SHISA9: variants seen among roughly 807,000 people sequenced by gnomAD.
SHISA9 encodes the protein shisa family member 9.
In SHISA9, 13 loss-of-function variants were observed where a neutral mutation model predicts 38.0. The observed-to-expected ratio is 0.34, with a 90% CI of 0.22 to 0.54. The LOEUF (loss-of-function observed/expected upper bound fraction) is 0.54, where lower values mean the gene tolerates loss of function less well. Among genes scored for constraint, SHISA9 ranks in the 20% least tolerant of loss-of-function variants. The probability of loss-of-function intolerance (pLI) is 0.91; values close to 1 mark genes in which losing one functional copy is unlikely to be tolerated. For synonymous variants in SHISA9, 275 were observed against 242.0 expected, an observed-to-expected ratio of 1.14 and a Z score of -1.27; for missense variants, 538 against 575.8, an observed-to-expected ratio of 0.93 and a Z score of 0.67.
the SHISA9 span, among the ~76,000 whole-genome samples, chr16:13,367,738 A>G: frequency 3.4e-5 from 5 of 147,178 alleles, no homozygotes; most frequent in Non-Finnish European, 6.0e-5. Flanking sequence ...ACACACACAC[A>G]CACACACACA....
chr16:12,958,414 G>C (rs544089826), intron 2 of SHISA9, among the ~76,000 whole-genome samples: 1 of 152,172 alleles, frequency 6.6e-6, no homozygotes, highest in Admixed American at 6.5e-5. Context: ...TTGATTCCTG[G>C]CTTGTGGAAA....
the SHISA9 span, among the ~76,000 whole-genome samples, chr16:13,467,486 G>T: frequency 6.6e-6 from 1 of 152,182 alleles, no homozygotes; most frequent in Non-Finnish European, 1.5e-5. Flanking sequence ...TGAGGCTTCA[G>T]GGCTTGGACT....
chr16:13,516,867 G>C, the SHISA9 span, among the ~76,000 whole-genome samples: 2 of 151,888 alleles, frequency 1.3e-5, no homozygotes, highest in Non-Finnish European at 2.9e-5. Flanking sequence ...ATTTCATTTA[G>C]TTCAATAAAT....
chr16:13,294,837 C>A, the SHISA9 span, among the ~76,000 whole-genome samples: 2 of 152,120 alleles, frequency 1.3e-5, no homozygotes, highest in African/African-American at 4.8e-5. Flanking sequence ...AGATTGTGTC[C>A]TATCTAGAGT....
At chr16:13,447,252 G>A in the SHISA9 span, among the ~76,000 whole-genome samples, 126 of 152,296 alleles carry the variant, frequency 8.3e-4, no homozygotes, top group African/African-American at 2.8e-3. Context: ...TCAGGGAGCT[G>A]TTTTGAGTCC....
At chr16:12,975,655 GC>G (rs1208724286) in intron 2 of SHISA9, among the ~76,000 whole-genome samples, 20 of 141,410 alleles carry the variant, frequency 1.4e-4, no homozygotes, top group African/African-American at 4.3e-4. Flanking sequence ...TGGGACGGGG[GC>G]GGGGGGGGTA....
the SHISA9 span, among the ~76,000 whole-genome samples, chr16:13,454,458 A>T: frequency 6.6e-6 from 1 of 152,230 alleles, no homozygotes; most frequent in African/African-American, 2.4e-5. Flanking sequence ...AAAGTGCTTG[A>T]TGAGTGCTTG....
the SHISA9 span, among the ~76,000 whole-genome samples, chr16:13,538,125 A>G: frequency 6.6e-6 from 1 of 152,182 alleles, no homozygotes; most frequent in Non-Finnish European, 1.5e-5. Context: ...TCTACTAGAA[A>G]GAGTAGTGAA....
intron 4 of SHISA9, among the ~76,000 whole-genome samples, chr16:13,224,155 A>T (rs919514373): frequency 6.6e-6 from 1 of 152,206 alleles, no homozygotes; most frequent in Non-Finnish European, 1.5e-5. Flanking sequence ...GTGAGCAATT[A>T]CTCAGTTTGC....
At chr16:13,552,394 T>G in the SHISA9 span, among the ~76,000 whole-genome samples, 1 of 152,030 alleles carries the variant, frequency 6.6e-6, no homozygotes, top group South Asian at 2.1e-4. Context: ...ATTTTTAAGC[T>G]TCCACCGAGG....
chr16:13,408,933 C>A, the SHISA9 span, among the ~76,000 whole-genome samples: 1 of 152,166 alleles, frequency 6.6e-6, no homozygotes, highest in Non-Finnish European at 1.5e-5. Flanking sequence ...GCCTGGATAC[C>A]CATGGCCTTA....
At chr16:13,045,943 T>G (rs2073183578) in intron 2 of SHISA9, among the ~76,000 whole-genome samples, 5 of 152,222 alleles carry the variant, frequency 3.3e-5, no homozygotes, top group Admixed American at 3.3e-4. Context: ...CATGGATTTA[T>G]TATATGTCAA....
the SHISA9 span, among the ~76,000 whole-genome samples, chr16:13,439,249 T>C: frequency 2.0e-5 from 3 of 152,084 alleles, no homozygotes; most frequent in Non-Finnish European, 2.9e-5. Flanking sequence ...GAGATGTTGA[T>C]CAAAGGGAAC....
chr16:13,339,824 A>G, the SHISA9 span, among the ~76,000 whole-genome samples: 9 of 152,176 alleles, frequency 5.9e-5, no homozygotes, highest in African/African-American at 1.9e-4. Context: ...GGAGATAATA[A>G]CACTATTTAG....
At chr16:13,324,618 T>A in the SHISA9 span, among the ~76,000 whole-genome samples, 1 of 152,142 alleles carries the variant, frequency 6.6e-6, no homozygotes, top group African/African-American at 2.4e-5. Context: ...TTGACGATTA[T>A]GTGAGTCAGG....
rs2050380392 is a variant in SHISA9, at chr16:13,139,441, C to CCTTCTT, written c.692-63951_692-63950insTCTTCT. Among the ~76,000 whole-genome samples, 53 of 136,124 alleles carry CCTTCTT rather than the reference C, an allele frequency of 3.9e-4. 1 individual carries two copies. The highest frequency in any genetic ancestry group is 1.4e-3 in the African/African-American group (50 of 36,592). 89.3% of individuals were successfully genotyped at this position (136,124 alleles called of 152,430 possible). On this transcript the variant is annotated intron_variant, in intron 2 of 4. Coordinates refer to ENST00000558583, the MANE Select transcript of SHISA9 (RefSeq NM_001145204.3). ...TCCTTCCTTCCTTCCTTCTTCTCTT[C>CCTTCTT]CTCTTCCTCTCCCTCTTTCTCTCTC...
At chr16:13,043,362 C>A (rs1431823900) in intron 2 of SHISA9, among the ~76,000 whole-genome samples, 11 of 152,138 alleles carry the variant, frequency 7.2e-5, no homozygotes, top group Admixed American at 7.2e-4. Context: ...AGCTGAACAC[C>A]CAGGAGGAAA....
At chr16:13,280,419 C>A in the SHISA9 span, among the ~76,000 whole-genome samples, 3 of 151,590 alleles carry the variant, frequency 2.0e-5, no homozygotes, top group African/African-American at 7.3e-5. Context: ...TATTTTCTGA[C>A]TTGTTCATCG....
chr16:13,450,329 C>A, the SHISA9 span, among the ~76,000 whole-genome samples: 1 of 152,194 alleles, frequency 6.6e-6, no homozygotes, highest in Admixed American at 6.5e-5. Flanking sequence ...AGGTCTAAGG[C>A]ATGGTGAGCA....
Sources: allele counts gnomAD v4.1 joint callset (sites outside exome capture counted in the v4.1 genomes callset), GRCh38; gene constraint gnomAD v4.1.1; transcripts MANE v1.5; gene names NCBI Gene and HGNC (gene_info 2026-07-23, HGNC 2026-07-21).